CNTN5: variants seen among roughly 807,000 people sequenced by gnomAD.
The protein encoded by CNTN5 is contactin 5, also known as contactin-5.
A neutral mutation model predicts 129.1 loss-of-function variants in CNTN5; 77 were observed. That is an observed-to-expected ratio of 0.60 (90% CI 0.50 to 0.72). The LOEUF (loss-of-function observed/expected upper bound fraction) is 0.72, where lower values mean the gene tolerates loss of function less well. Ranked by LOEUF, CNTN5 falls within the 30% of genes least tolerant of loss-of-function variation. The pLI is 0.00. For synonymous variants in CNTN5, 509 were observed against 465.6 expected, an observed-to-expected ratio of 1.09 and a Z score of -1.20; for missense variants, 1,478 against 1,328.8, an observed-to-expected ratio of 1.11 and a Z score of -1.75.
intron 9 of CNTN5, among the ~76,000 whole-genome samples, chr11:100,025,568 A>T (rs1343969573): frequency 6.6e-6 from 1 of 152,086 alleles, no homozygotes. Flanking sequence ...AGCTGCAGAC[A>T]CTCAATGCCA....
chr11:99,082,039 C>T (rs961127905), intron 1 of CNTN5, among the ~76,000 whole-genome samples: 9 of 152,112 alleles, frequency 5.9e-5, no homozygotes, highest in African/African-American at 1.9e-4. Flanking sequence ...AACTAACTTT[C>T]ATTTCTGTAT....
chr11:100,258,107 C>A (rs538149097), intron 17 of CNTN5, among the ~76,000 whole-genome samples: 103 of 152,078 alleles, frequency 6.8e-4, no homozygotes, highest in Non-Finnish European at 9.7e-4. Flanking sequence ...CCTGATGGAA[C>A]TGAAAAACAC....
chr11:99,126,771 T>G (rs76057750), intron 1 of CNTN5, among the ~76,000 whole-genome samples: 1 of 152,172 alleles, frequency 6.6e-6, no homozygotes, highest in Admixed American at 6.5e-5. Flanking sequence ...CTTTCAAAAT[T>G]CAAATTTTTC....
intron 6 of CNTN5, among the ~76,000 whole-genome samples, chr11:99,900,354 T>A (rs910764746): frequency 1.3e-5 from 2 of 152,000 alleles, no homozygotes; most frequent in South Asian, 2.1e-4. Flanking sequence ...TATTGAGCCA[T>A]CCTTGCATCT....
chr11:99,385,638 T>C (rs772262992), intron 2 of CNTN5, among the ~76,000 whole-genome samples: 1 of 152,186 alleles, frequency 6.6e-6, no homozygotes, highest in African/African-American at 2.4e-5. Context: ...TTTAGTTAAG[T>C]ATCATTTGAG....
intron 3 of CNTN5, among the ~76,000 whole-genome samples, chr11:99,561,853 AT>A (rs1406362995): frequency 6.6e-6 from 1 of 152,170 alleles, no homozygotes; most frequent in African/African-American, 2.4e-5. Flanking sequence ...GAAAAAGAGC[AT>A]TACATAAATA....
chr11:99,183,308 T>G (rs1006078859), intron 1 of CNTN5, among the ~76,000 whole-genome samples: 1 of 152,142 alleles, frequency 6.6e-6, no homozygotes, highest in African/African-American at 2.4e-5. Flanking sequence ...TAATTCAGAA[T>G]TTCAAGGACT....
chr11:99,311,812 C>T (rs1293119315), intron 1 of CNTN5, among the ~76,000 whole-genome samples: 2 of 152,096 alleles, frequency 1.3e-5, no homozygotes, highest in Admixed American at 6.6e-5. Flanking sequence ...TATTCTAGCA[C>T]CTATAGCTCT....
At position 99,344,756 on chromosome 11, in the gene CNTN5, G is replaced by A. The variant is rs1269237123; in HGVS notation, c.-71+19272G>A. On this transcript the variant is annotated intron_variant, in intron 2 of 24. Transcript: ENST00000524871. ...GCTTGGTGATCTGCACAGACAAGGGGTGAAATGACTGACTTTGGAGACCCA... is the reference window on the plus strand; with the variant it reads ...GCTTGGTGATCTGCACAGACAAGGGATGAAATGACTGACTTTGGAGACCCA... 2.0e-5 allele frequency among the ~76,000 whole-genome samples: 3 copies of A among 152,148 alleles called. No homozygotes were observed. In the East Asian group the frequency reaches 5.8e-4, roughly 29 times the overall value.
At chr11:100,245,273 A>AC (rs1290272505) in intron 16 of CNTN5, among the ~76,000 whole-genome samples, 3 of 152,298 alleles carry the variant, frequency 2.0e-5, no homozygotes, top group South Asian at 2.1e-4. Flanking sequence ...TTTCTTGTTC[A>AC]CATACAACAG....
intron 3 of CNTN5, among the ~76,000 whole-genome samples, chr11:99,567,291 T>C (rs1370478887): frequency 6.6e-6 from 1 of 152,228 alleles, no homozygotes; most frequent in African/African-American, 2.4e-5. Flanking sequence ...TTAATACATA[T>C]AGTTTTTTTC....
intron 7 of CNTN5, among the ~76,000 whole-genome samples, chr11:99,941,571 A>AACACGCACACACACACACACACAC (rs1555163252): frequency 6.7e-6 from 1 of 148,270 alleles, no homozygotes; most frequent in Non-Finnish European, 1.5e-5. Flanking sequence ...ACATAAGACA[A>AACACGCACACACACACACACACAC]ACACACACAC....
intron 16 of CNTN5, among the ~76,000 whole-genome samples, chr11:100,239,954 C>A (rs1191582699): frequency 6.6e-6 from 1 of 152,176 alleles, no homozygotes; most frequent in Non-Finnish European, 1.5e-5. Flanking sequence ...ATAATTATTT[C>A]TTTCATACTA....
intron 7 of CNTN5, among the ~76,000 whole-genome samples, chr11:99,922,163 G>T (rs965348836): frequency 6.6e-6 from 1 of 152,138 alleles, no homozygotes; most frequent in Non-Finnish European, 1.5e-5. Context: ...AGGGGCAAAG[G>T]TGCGTCTTAC....
chr11:100,311,685 G>T (rs1423762673), intron 21 of CNTN5, among the ~76,000 whole-genome samples: 2 of 151,916 alleles, frequency 1.3e-5, no homozygotes, highest in South Asian at 2.1e-4. Flanking sequence ...TTTCAAAATG[G>T]AGAGAATGTT....
intron 1 of CNTN5, among the ~76,000 whole-genome samples, chr11:99,276,676 G>A (rs1199815812): frequency 1.3e-5 from 2 of 151,422 alleles, no homozygotes; most frequent in Admixed American, 1.3e-4. Flanking sequence ...AGGAATTGTA[G>A]TAGTGGTAAA....
At chr11:99,836,019 GA>G (rs1351095540) in intron 4 of CNTN5, among the ~76,000 whole-genome samples, 1 of 151,750 alleles carries the variant, frequency 6.6e-6, no homozygotes, top group African/African-American at 2.4e-5. Flanking sequence ...AGAAATAAAA[GA>G]ATGGCTACTC....
At chr11:99,874,195 G>A (rs1220416946) in intron 6 of CNTN5, among the ~76,000 whole-genome samples, 1 of 152,104 alleles carries the variant, frequency 6.6e-6, no homozygotes, top group Non-Finnish European at 1.5e-5. Flanking sequence ...TGTAGCTCCC[G>A]AAGCTAAAAT....
At chr11:99,388,984 TA>T (rs1941083533) in intron 2 of CNTN5, among the ~76,000 whole-genome samples, 1 of 99,704 alleles carries the variant, frequency 1.0e-5, no homozygotes, top group South Asian at 3.1e-4. Flanking sequence ...CTCCAGTCCT[TA>T]TTTTATTTTA....
Sources: gnomAD v4.1 joint callset for allele counts (sites outside exome capture counted in the v4.1 genomes callset) on GRCh38, gnomAD v4.1.1 for gene constraint, MANE v1.5 for transcripts, NCBI Gene and HGNC (gene_info 2026-07-23, HGNC 2026-07-21) for gene names.